The following ZNF782 variants were observed in gnomAD, a reference collection of about 807,000 sequenced individuals.
The protein encoded by ZNF782 is zinc finger protein 782.
Under a neutral mutation model 13.0 loss-of-function variants are expected in ZNF782, and 12 were observed. The observed-to-expected ratio is 0.92, with a 90% CI of 0.59 to 1.50. ZNF782 has a LOEUF of 1.50. ZNF782 is among the 40% of genes most tolerant of loss of function. The pLI is 0.00. For synonymous variants in ZNF782, 284 were observed against 283.0 expected (o/e 1.00, Z -0.04); for missense variants, 770 against 822.9 (o/e 0.94, Z 0.79).
the ZNF782 span, among the ~76,000 whole-genome samples, chr9:96,932,715 C>T: frequency 4.0e-5 from 6 of 150,602 alleles, no homozygotes; most frequent in South Asian, 4.2e-4. Flanking sequence ...TGCAATGGCG[C>T]GATCTCAGCT....
chr9:96,882,807 T>TG, the ZNF782 span, among the ~76,000 whole-genome samples: 2 of 152,240 alleles, frequency 1.3e-5, no homozygotes, highest in Admixed American at 6.5e-5. Flanking sequence ...ATCTTGTCCT[T>TG]GGACACTGTG....
At chr9:96,873,868 T>C (rs112631110) in intron 1 of ZNF782, among the ~76,000 whole-genome samples, 15 of 152,138 alleles carry the variant, frequency 9.9e-5, no homozygotes, top group African/African-American at 3.1e-4. Context: ...TGACAAATGT[T>C]TGGGGTATGG....
chr9:96,876,806 GAC>G (rs1377426038), upstream of ZNF782, among the ~76,000 whole-genome samples: 22 of 151,946 alleles, frequency 1.4e-4, no homozygotes, highest in Non-Finnish European at 2.9e-4. Context: ...AGAAGTTCGC[GAC>G]CAGCCTGTGC....
chr9:96,911,331 C>T, the ZNF782 span, among the ~76,000 whole-genome samples: 1 of 137,374 alleles, frequency 7.3e-6, no homozygotes, highest in Non-Finnish European at 1.5e-5. Context: ...CCCAGCTACT[C>T]GGCAGGCTGA....
chr9:96,836,357 C>T (rs1344642595), intron 4 of ZNF782, among the ~76,000 whole-genome samples: 1 of 151,958 alleles, frequency 6.6e-6, no homozygotes. Flanking sequence ...AGACTATAGG[C>T]GCATGCCACA....
the ZNF782 span, chr9:96,894,580 A>G: frequency 6.6e-6 from 1 of 152,206 alleles, no homozygotes; most frequent in African/African-American, 2.4e-5. Context: ...AACTGTATTC[A>G]GAGTTGAGCC....
upstream of ZNF782, among the ~76,000 whole-genome samples, chr9:96,859,370 T>C (rs1851678984): frequency 6.6e-6 from 1 of 152,168 alleles, no homozygotes; most frequent in East Asian, 1.9e-4. Context: ...CAGAGACCTC[T>C]TTCTTCCGCT....
At chr9:96,842,225 G>T (rs1389344432) in intron 4 of ZNF782, among the ~76,000 whole-genome samples, 2 of 151,902 alleles carry the variant, frequency 1.3e-5, no homozygotes, top group African/African-American at 4.8e-5. Context: ...TTGTGTTTAT[G>T]GATTATAAGC....
chr9:96,901,536 C>T, the ZNF782 span, among the ~76,000 whole-genome samples: 7 of 151,702 alleles, frequency 4.6e-5, no homozygotes, highest in African/African-American at 7.3e-5. Context: ...CCTCCCAAAG[C>T]GCTGGGATTA....
At chr9:96,922,757 G>A in the ZNF782 span, among the ~76,000 whole-genome samples, 1 of 151,938 alleles carries the variant, frequency 6.6e-6, no homozygotes, top group South Asian at 2.1e-4. Flanking sequence ...CTGGGCGACA[G>A]AGCGAGACTC....
At chr9:96,888,560 T>G in the ZNF782 span, 1 of 152,136 alleles carries the variant, frequency 6.6e-6, no homozygotes, top group Non-Finnish European at 1.5e-5. Context: ...AGAGTGTGTT[T>G]GATTATGAGA....
chr9:96,883,258 T>G, the ZNF782 span, among the ~76,000 whole-genome samples: 1 of 152,094 alleles, frequency 6.6e-6, no homozygotes. Context: ...AGTGACATCT[T>G]GTGTAGGAGG....
the ZNF782 span, among the ~76,000 whole-genome samples, chr9:96,881,147 CTT>C: frequency 6.6e-6 from 1 of 152,050 alleles, no homozygotes; most frequent in Non-Finnish European, 1.5e-5. Flanking sequence ...TAATTTACAT[CTT>C]CTCTTCATCT....
At chr9:96,912,274 T>TA in the ZNF782 span, among the ~76,000 whole-genome samples, 15 of 143,424 alleles carry the variant, frequency 1.0e-4, 1 homozygote, top group Non-Finnish European at 2.0e-4. Flanking sequence ...TCTCAGGCCT[T>TA]TTTTTTTTCT....
chr9:96,882,916 T>C, the ZNF782 span, among the ~76,000 whole-genome samples: 1 of 152,088 alleles, frequency 6.6e-6, no homozygotes, highest in African/African-American at 2.4e-5. Flanking sequence ...AAACGAGAAT[T>C]CTCTCTTTGA....
chr9:96,843,279 A>G (rs772701942), intron 4 of ZNF782, among the ~76,000 whole-genome samples: 1 of 152,200 alleles, frequency 6.6e-6, no homozygotes. Flanking sequence ...AAATGGAAAC[A>G]ACCAAAATGT....
At chr9:96,857,037 C>T (rs1292549699), upstream of ZNF782, among the ~76,000 whole-genome samples, 1 of 152,118 alleles carries the variant, frequency 6.6e-6, no homozygotes, top group Non-Finnish European at 1.5e-5. Flanking sequence ...AGCTAGTGCC[C>T]TATATAGAAG....
intron 4 of ZNF782, among the ~76,000 whole-genome samples, chr9:96,829,671 A>T (rs1460966417): frequency 6.6e-6 from 1 of 152,208 alleles, no homozygotes; most frequent in Admixed American, 6.5e-5. Context: ...TTTCAAATAC[A>T]TATGAAACAT....
At chr9:96,910,715 C>A in the ZNF782 span, among the ~76,000 whole-genome samples, 2 of 149,742 alleles carry the variant, frequency 1.3e-5, no homozygotes, top group East Asian at 2.0e-4. Context: ...CGGCTCACTG[C>A]AAGTTCCTCC....
Sources: allele counts gnomAD v4.1 joint callset (sites outside exome capture counted in the v4.1 genomes callset), GRCh38; gene constraint gnomAD v4.1.1; transcripts MANE v1.5; gene names NCBI Gene and HGNC (gene_info 2026-07-23, HGNC 2026-07-21).